The following FBXW10B variants were observed in gnomAD, a reference collection of about 807,000 sequenced individuals.
FBXW10B encodes the protein F-box and WD repeat domain containing 10B.
At chr17:15,603,003 C>G in the FBXW10B span, among the ~76,000 whole-genome samples, 13,227 of 124,218 alleles carry the variant, frequency 0.11, 1,638 homozygotes, top group African/African-American at 0.26. Flanking sequence ...CCTGCCTCAG[C>G]CTTCCTGAGT....
At chr17:15,569,931 T>TA in the FBXW10B span, among the ~76,000 whole-genome samples, 18 of 152,208 alleles carry the variant, frequency 1.2e-4, no homozygotes, top group Non-Finnish European at 2.2e-4. Context: ...TTTGTTTGTT[T>TA]GTTTGTTTTT....
the FBXW10B span, chr17:15,571,587 T>C: frequency 6.6e-5 from 10 of 152,354 alleles, no homozygotes; most frequent in Middle Eastern, 3.4e-3. Flanking sequence ...TGCAGAATGG[T>C]ACAATCAATT....
At chr17:15,572,964 G>A in the FBXW10B span, 4 of 152,318 alleles carry the variant, frequency 2.6e-5, no homozygotes, top group African/African-American at 9.6e-5. Flanking sequence ...AATCCCAGGA[G>A]AGAGACTTGG....
At chr17:15,586,181 G>A in the FBXW10B span, among the ~76,000 whole-genome samples, 1 of 151,546 alleles carries the variant, frequency 6.6e-6, no homozygotes, top group Non-Finnish European at 1.5e-5. Flanking sequence ...TTAAATTAGG[G>A]CATGAAAAAG....
At chr17:15,617,780 G>C in the FBXW10B span, among the ~76,000 whole-genome samples, 21 of 152,154 alleles carry the variant, frequency 1.4e-4, no homozygotes, top group Non-Finnish European at 3.1e-4. Context: ...AGAGATGCTG[G>C]TGCCATGCTT....
chr17:15,604,201 C>G, the FBXW10B span, among the ~76,000 whole-genome samples: 1 of 151,858 alleles, frequency 6.6e-6, no homozygotes, highest in Non-Finnish European at 1.5e-5. Flanking sequence ...TTAATTACTG[C>G]CACCTGCATC....
the FBXW10B span, among the ~76,000 whole-genome samples, chr17:15,602,635 T>G: frequency 8.6e-5 from 8 of 92,710 alleles, no homozygotes; most frequent in African/African-American, 4.5e-4. Context: ...TTTTTTTTTT[T>G]TTTTTTTTTT....
At chr17:15,616,611 T>G in the FBXW10B span, among the ~76,000 whole-genome samples, 2 of 151,892 alleles carry the variant, frequency 1.3e-5, no homozygotes, top group African/African-American at 2.4e-5. Flanking sequence ...GAGACCATCC[T>G]GGCTAACACG....
the FBXW10B span, among the ~76,000 whole-genome samples, chr17:15,617,207 T>C: frequency 1.3e-5 from 2 of 152,172 alleles, no homozygotes; most frequent in Non-Finnish European, 2.9e-5. Flanking sequence ...ACACACCAAA[T>C]AAATCAAGTG....
At chr17:15,607,208 CT>C in the FBXW10B span, among the ~76,000 whole-genome samples, 4 of 150,186 alleles carry the variant, frequency 2.7e-5, no homozygotes, top group Admixed American at 2.0e-4. Flanking sequence ...TACAGGAAAA[CT>C]TTGCCTTTCT....
At chr17:15,582,400 A>G in the FBXW10B span, among the ~76,000 whole-genome samples, 3 of 151,774 alleles carry the variant, frequency 2.0e-5, no homozygotes, top group South Asian at 4.1e-4. Context: ...CTTGATTAAA[A>G]CAGCTAAACT....
the FBXW10B span, among the ~76,000 whole-genome samples, chr17:15,603,533 A>T: frequency 6.6e-6 from 1 of 152,126 alleles, no homozygotes; most frequent in Non-Finnish European, 1.5e-5. Context: ...GTTTTATTTA[A>T]TACCCATCAG....
At chr17:15,592,528 T>C in the FBXW10B span, among the ~76,000 whole-genome samples, 1 of 152,044 alleles carries the variant, frequency 6.6e-6, no homozygotes, top group Non-Finnish European at 1.5e-5. Context: ...TCTACGCATA[T>C]ATAAAGCACA....
the FBXW10B span, among the ~76,000 whole-genome samples, chr17:15,570,299 A>G: frequency 6.6e-6 from 1 of 152,238 alleles, no homozygotes; most frequent in Non-Finnish European, 1.5e-5. Context: ...AGATAGAGAG[A>G]CACGCTGTAG....
At chr17:15,574,073 T>G in the FBXW10B span, 1 of 702,000 alleles carries the variant, frequency 1.4e-6, no homozygotes. Context: ...TCTCGTCTTC[T>G]TCATCTGGTT....
chr17:15,616,371 T>C, the FBXW10B span, among the ~76,000 whole-genome samples: 3 of 151,776 alleles, frequency 2.0e-5, no homozygotes, highest in African/African-American at 7.3e-5. Context: ...GGTTTCGCCA[T>C]GTTGGCCAGG....
the FBXW10B span, among the ~76,000 whole-genome samples, chr17:15,608,455 C>T: frequency 0.21 from 32,094 of 150,178 alleles, 3,747 homozygotes; most frequent in East Asian, 0.42. Context: ...CCACCAGGCC[C>T]GGCTGCAATT....
chr17:15,587,383 A>T, the FBXW10B span, among the ~76,000 whole-genome samples: 1 of 151,576 alleles, frequency 6.6e-6, no homozygotes, highest in Admixed American at 6.6e-5. Context: ...ACAGCAACAT[A>T]TCCCTTATAT....
the FBXW10B span, chr17:15,572,241 T>C: frequency 0.21 from 29,320 of 141,256 alleles, 3,289 homozygotes; most frequent in Middle Eastern, 0.31. Context: ...TGGGGTCCGA[T>C]TGCCTGGAAT....
Sources: allele counts gnomAD v4.1 joint callset (sites outside exome capture counted in the v4.1 genomes callset), GRCh38; gene constraint gnomAD v4.1.1; transcripts MANE v1.5; gene names NCBI Gene and HGNC (gene_info 2026-07-23, HGNC 2026-07-21).